CLSTN2: variants seen among roughly 807,000 people sequenced by gnomAD.
CLSTN2 encodes the protein calsyntenin-2.
Under a neutral mutation model 101.2 loss-of-function variants are expected in CLSTN2, and 48 were observed. The observed-to-expected ratio is 0.47, with a 90% CI of 0.38 to 0.60. The LOEUF is 0.60. CLSTN2 is among the 20% of genes least tolerant of loss of function. The pLI, the probability that CLSTN2 is intolerant of heterozygous loss-of-function variation, is 0.00. For synonymous variants in CLSTN2, 481 were observed against 463.6 expected, an observed-to-expected ratio of 1.04 and a Z score of -0.48; for missense variants, 1,160 against 1,238.2, an observed-to-expected ratio of 0.94 and a Z score of 0.95.
chr3:140,039,574 A>G (rs2107763190), intron 1 of CLSTN2, among the ~76,000 whole-genome samples: 1 of 152,350 alleles, frequency 6.6e-6, no homozygotes, highest in East Asian at 1.9e-4. Context: ...ATAACCATGC[A>G]TGACATTCCT....
intron 6 of CLSTN2, among the ~76,000 whole-genome samples, chr3:140,456,917 G>T (rs564229432): frequency 9.2e-5 from 14 of 152,222 alleles, no homozygotes; most frequent in African/African-American, 3.1e-4. Context: ...TTCCCTTGAT[G>T]TCATCCCCCA....
chr3:140,006,871 T>G (rs2006969595), intron 1 of CLSTN2, among the ~76,000 whole-genome samples: 1 of 152,108 alleles, frequency 6.6e-6, no homozygotes, highest in African/African-American at 2.4e-5. Context: ...AGGGAGGCGC[T>G]TAGCTGCAAA....
chr3:140,513,336 A>G (rs1934850033), intron 8 of CLSTN2, among the ~76,000 whole-genome samples: 1 of 152,126 alleles, frequency 6.6e-6, no homozygotes, highest in African/African-American at 2.4e-5. Context: ...AAATTTTATC[A>G]AAGGCCTTTT....
chr3:140,210,852 A>C (rs2010846666), intron 2 of CLSTN2, among the ~76,000 whole-genome samples: 1 of 152,106 alleles, frequency 6.6e-6, no homozygotes, highest in African/African-American at 2.4e-5. Flanking sequence ...GACGGTAGTA[A>C]CAAGCACCTA....
chr3:140,464,059 G>T (rs937005474), intron 7 of CLSTN2, among the ~76,000 whole-genome samples: 1 of 152,200 alleles, frequency 6.6e-6, no homozygotes, highest in Non-Finnish European at 1.5e-5. Context: ...CTTACAGAGG[G>T]TGGGGAGGTG....
At chr3:140,321,803 C>T (rs376755092) in intron 2 of CLSTN2, among the ~76,000 whole-genome samples, 1 of 152,166 alleles carries the variant, frequency 6.6e-6, no homozygotes, top group East Asian at 1.9e-4. Flanking sequence ...ACGCTTTTCC[C>T]CCATTTCTGC....
chr3:140,320,385 C>G lies in CLSTN2; in HGVS notation c.233-83244C>G, dbSNP rs187187212. Among the ~76,000 whole-genome samples the G allele has an allele frequency of 2.9e-4, 44 of 152,190 alleles. No individual in the cohort carries two copies. The East Asian group carries it at 5.4e-3, about 19-fold the overall frequency. On this transcript the variant is annotated intron_variant, in intron 2 of 16. Coordinates refer to ENST00000458420, the MANE Select transcript of CLSTN2 (RefSeq NM_022131.3). ...GAAAGTAACAACCTGATCACCTCCC[C>G]CTAGAAGAAGGAGAAGAGTGAGCGA...
intron 1 of CLSTN2, among the ~76,000 whole-genome samples, chr3:140,064,431 T>C (rs1451004606): frequency 6.6e-6 from 1 of 152,230 alleles, no homozygotes; most frequent in Non-Finnish European, 1.5e-5. Flanking sequence ...AATCATGTTT[T>C]AGCACTTGTA....
chr3:140,357,171 T>A (rs1163186824), intron 2 of CLSTN2, among the ~76,000 whole-genome samples: 1 of 152,212 alleles, frequency 6.6e-6, no homozygotes, highest in Non-Finnish European at 1.5e-5. Flanking sequence ...AAGCTCCTAG[T>A]GAAGGGTCGG....
At chr3:140,282,289 G>A (rs79177498) in intron 2 of CLSTN2, among the ~76,000 whole-genome samples, 3 of 152,216 alleles carry the variant, frequency 2.0e-5, no homozygotes, top group African/African-American at 7.2e-5. Context: ...GCTAAACTAG[G>A]TTCTTAACCC....
intron 4 of CLSTN2, among the ~76,000 whole-genome samples, chr3:140,413,428 G>A (rs576812875): frequency 6.6e-6 from 1 of 152,126 alleles, no homozygotes; most frequent in East Asian, 1.9e-4. Context: ...TCCCATCAAA[G>A]AAAATCCCAG....
chr3:140,532,455 C>T lies in CLSTN2; in HGVS notation c.1476C>T (p.Ala492=), dbSNP rs775941900. Residue 492 remains alanine (A), a synonymous_variant, in exon 9 of 17, where the codon GCC becomes GCT. Coordinates refer to ENST00000458420, the MANE Select transcript of CLSTN2 (RefSeq NM_022131.3). ...GGCCCATTCATCCATCTCACATAGC[C>T]ATGCAACTCACAGTCGGCGCTTGTT... is the stretch of plus-strand genomic sequence containing the variant. ...NDWPIHPSHI[A]MQLTVGACWQ... is the part of the protein sequence containing the mutation. The T allele has an allele frequency of 5.0e-6, 8 of 1,613,724 alleles. No homozygotes were observed. In the Middle Eastern group the frequency reaches 4.9e-4, roughly 100 times the overall value.
rs1933649381 is a variant in CLSTN2 at position 140,464,886 on chromosome 3, C to T, written c.1223-1724C>T. ...AGCCCTGCCACAGTAAGACCCTGAC[C>T]ATTCTCCTTCCTGCCATCCTTTGGT... On this transcript the variant is annotated intron_variant, in intron 7 of 16. Transcript: ENST00000458420. Among the ~76,000 whole-genome samples the T allele has an allele frequency of 3.3e-5, 5 of 152,286 alleles. No homozygotes were observed. In the South Asian group the frequency reaches 1.0e-3, roughly 32 times the overall value.
intron 2 of CLSTN2, among the ~76,000 whole-genome samples, chr3:140,294,564 C>CT (rs768868571): frequency 0.011 from 1,559 of 140,962 alleles, 17 homozygotes; most frequent in African/African-American, 0.036. Flanking sequence ...TCCCCAATGT[C>CT]TTTTTTTTTT....
chr3:139,981,368 C>A (rs1336052327), intron 1 of CLSTN2, among the ~76,000 whole-genome samples: 7 of 152,170 alleles, frequency 4.6e-5, no homozygotes, highest in African/African-American at 1.7e-4. Flanking sequence ...TTCACAGGGA[C>A]AAGAATGAAC....
chr3:140,116,185 C>T (rs1488441158), intron 1 of CLSTN2, among the ~76,000 whole-genome samples: 7 of 152,166 alleles, frequency 4.6e-5, no homozygotes, highest in Admixed American at 2.0e-4. Flanking sequence ...TACAAATCTC[C>T]TGGTCTATTA....
At position 140,532,402 on chromosome 3, in the gene CLSTN2, T is replaced by C. The variant is rs2107779398; in HGVS notation, c.1423T>C (p.Tyr475His). ...VVTLYMDGAT[Y>H]EPYLVTNDWP... ...AACCTTATACATGGATGGAGCAACA[T>C]ATGAACCATACCTGGTGACCAACGA... The change falls in exon 9 of 17, where the codon TAT becomes CAT. Residue 475 changes from tyrosine to histidine, a missense_variant. Transcript: ENST00000458420. The C allele has an allele frequency of 6.2e-7, 1 of 1,613,886 alleles. No homozygotes were observed. Among genetic ancestry groups the C allele is most frequent in the Middle Eastern group, 1.7e-4 (1 of 6,060 alleles).
At position 140,405,710 on chromosome 3, in the gene CLSTN2, A is replaced by C. The variant is rs149984184; in HGVS notation, c.637+944A>C. Among the ~76,000 whole-genome samples, 11 of 152,330 alleles carry C rather than the reference A, an allele frequency of 7.2e-5. No homozygotes were observed. The East Asian group carries it at 1.2e-3, about 16-fold the overall frequency. ...CGAATAGAAAACTCATTGTAGTATA[A>C]ACGCCACAACCAGAGCCCCAACAAA... is the stretch of plus-strand genomic sequence containing the variant. On this transcript the variant is annotated intron_variant, in intron 4 of 16. Coordinates refer to ENST00000458420, the MANE Select transcript of CLSTN2 (RefSeq NM_022131.3).
At chr3:140,110,198 A>G (rs2009131072) in intron 1 of CLSTN2, among the ~76,000 whole-genome samples, 1 of 152,154 alleles carries the variant, frequency 6.6e-6, no homozygotes, top group Non-Finnish European at 1.5e-5. Flanking sequence ...TATTTAGATG[A>G]CTCAGGGCTT....
Sources: gnomAD v4.1 joint callset for allele counts (sites outside exome capture counted in the v4.1 genomes callset) on GRCh38, gnomAD v4.1.1 for gene constraint, MANE v1.5 for transcripts, NCBI Gene and HGNC (gene_info 2026-07-23, HGNC 2026-07-21) for gene names.